The following C8orf34 variants were observed in gnomAD, a reference collection of about 807,000 sequenced individuals.
C8orf34 encodes the protein chromosome 8 open reading frame 34.
C8orf34 carries 65 observed loss-of-function variants against 68.3 expected under a neutral mutation model. That is an observed-to-expected ratio of 0.95 (90% confidence interval 0.78 to 1.17). C8orf34 has a LOEUF of 1.17. Among genes scored for constraint, C8orf34 ranks in the 50% most tolerant of loss-of-function variants. The pLI is 0.00. For missense variants in C8orf34, 664 were observed against 655.4 expected (o/e 1.01, Z -0.14); for synonymous variants, 244 against 241.2 (o/e 1.01, Z -0.11).
chr8:68,726,851 T>TC (rs1448996386), intron 10 of C8orf34, among the ~76,000 whole-genome samples: 1 of 72,434 alleles, frequency 1.4e-5, no homozygotes, highest in African/African-American at 6.4e-5. Context: ...TTCAATAACC[T>TC]CCCCCGGGTC....
chr8:68,813,351 T>C (rs1173478520), intron 12 of C8orf34, among the ~76,000 whole-genome samples: 2 of 151,998 alleles, frequency 1.3e-5, no homozygotes, highest in Non-Finnish European at 2.9e-5. Flanking sequence ...TTTCAGAAAC[T>C]TGAAATCAGA....
intron 8 of C8orf34, among the ~76,000 whole-genome samples, chr8:68,659,856 G>A (rs1191565407): frequency 2.6e-5 from 4 of 151,988 alleles, no homozygotes; most frequent in Non-Finnish European, 1.5e-5. Context: ...ACCTTTAAGA[G>A]CACCTGTCAA....
intron 7 of C8orf34, among the ~76,000 whole-genome samples, chr8:68,546,344 G>A (rs1351904064): frequency 1.3e-5 from 2 of 151,970 alleles, no homozygotes; most frequent in Non-Finnish European, 2.9e-5. Context: ...AGGCCAGAGA[G>A]GTTCAAAGTA....
intron 8 of C8orf34, among the ~76,000 whole-genome samples, chr8:68,643,679 G>A (rs984600090): frequency 1.3e-5 from 2 of 152,190 alleles, no homozygotes; most frequent in African/African-American, 4.8e-5. Flanking sequence ...TTCCATTCAT[G>A]AGGGTTCCAC....
chr8:68,606,805 A>C (rs982550466), intron 7 of C8orf34, among the ~76,000 whole-genome samples: 16 of 152,146 alleles, frequency 1.1e-4, no homozygotes, highest in Admixed American at 2.0e-4. Flanking sequence ...TAAACTAAAA[A>C]TTCTCTGGTA....
At chr8:68,534,105 T>C (rs975892451) in intron 7 of C8orf34, 3 of 983,148 alleles carry the variant, frequency 3.1e-6, no homozygotes, top group East Asian at 1.1e-4. Context: ...AGTAAAATAC[T>C]ATCATTATAA....
rs189716376 is a variant in C8orf34 at position 68,517,252 on chromosome 8, T to G, written c.766-4547T>G. Among the ~76,000 whole-genome samples, 7 of 152,266 alleles carry G rather than the reference T, an allele frequency of 4.6e-5. No individual in the cohort carries two copies. In the East Asian group the frequency reaches 1.2e-3, roughly 25 times the overall value. ...TCTATGGAAGGATGTTTACTTAGCTTAATCAAATATAAATAATATAACCAA... is the reference window on the plus strand; with the variant it reads ...TCTATGGAAGGATGTTTACTTAGCTGAATCAAATATAAATAATATAACCAA... On this transcript the variant is annotated intron_variant, in intron 5 of 13. Transcript: ENST00000518698.
At position 68,559,210 on chromosome 8, in the gene C8orf34, AGAT is replaced by A. The variant is rs537485164; in HGVS notation, c.1105+26067_1105+26069del. On this transcript the variant is annotated intron_variant, in intron 7 of 13. Transcript: ENST00000518698. ...CACTGATTGCAGGAATACAGGTGGAAGATGATGACTATGCTATGGAAGTAACAG... is the reference window on the plus strand; with the variant it reads ...CACTGATTGCAGGAATACAGGTGGAAGATGACTATGCTATGGAAGTAACAG... Among the ~76,000 whole-genome samples, 59 of 152,318 alleles carry A rather than the reference AGAT, an allele frequency of 3.9e-4. 1 individual carries two copies. The highest frequency in any genetic ancestry group is 6.8e-3 in the Middle Eastern group (2 of 294).
chr8:68,628,771 G>A (rs1012893433), intron 7 of C8orf34, among the ~76,000 whole-genome samples: 8 of 152,142 alleles, frequency 5.3e-5, no homozygotes, highest in African/African-American at 1.9e-4. Context: ...CTCCCACATT[G>A]TCTAGTTCAA....
At chr8:68,417,076 T>G (rs1809704746) in intron 1 of C8orf34, among the ~76,000 whole-genome samples, 1 of 152,154 alleles carries the variant, frequency 6.6e-6, no homozygotes, top group South Asian at 2.1e-4. Flanking sequence ...CAACTGCTAT[T>G]AAAACTATTG....
chr8:68,426,540 AAG>A (rs1810229993), intron 1 of C8orf34, among the ~76,000 whole-genome samples: 2 of 148,564 alleles, frequency 1.3e-5, no homozygotes, highest in East Asian at 1.9e-4. Flanking sequence ...AAAAAAAAAA[AAG>A]AAAACAGAAA....
intron 1 of C8orf34, among the ~76,000 whole-genome samples, chr8:68,406,188 C>T (rs1481038232): frequency 6.6e-6 from 1 of 152,174 alleles, no homozygotes; most frequent in African/African-American, 2.4e-5. Context: ...GGTAGACAGA[C>T]AGTTGATCTG....
intron 1 of C8orf34, among the ~76,000 whole-genome samples, chr8:68,359,650 C>T (rs1213557560): frequency 6.6e-6 from 1 of 152,172 alleles, no homozygotes; most frequent in African/African-American, 2.4e-5. Context: ...ACCCACCCCT[C>T]TCTCTTTTTA....
chr8:68,574,069 C>T lies in C8orf34; in HGVS notation c.1105+40920C>T, dbSNP rs142436563. 8.2e-3 allele frequency among the ~76,000 whole-genome samples: 1,248 copies of T among 152,164 alleles called. 21 individuals are homozygous for T. Among genetic ancestry groups the T allele is most frequent in the African/African-American group, 0.028 (1,176 of 41,548 alleles). On this transcript the variant is annotated intron_variant, in intron 7 of 13. Coordinates refer to ENST00000518698, the MANE Select transcript of C8orf34 (RefSeq NM_052958.4). ...TTTATTTGACTACCAAATTATTTTTCAAGTAATACTAGTGACACACCATAA... is the reference window on the plus strand; with the variant it reads ...TTTATTTGACTACCAAATTATTTTTTAAGTAATACTAGTGACACACCATAA...
At chr8:68,569,097 T>C (rs1563535670) in intron 7 of C8orf34, among the ~76,000 whole-genome samples, 1 of 152,218 alleles carries the variant, frequency 6.6e-6, no homozygotes, top group Non-Finnish European at 1.5e-5. Context: ...AACCTCCTGA[T>C]TTATTGACTC....
intron 1 of C8orf34, among the ~76,000 whole-genome samples, chr8:68,375,037 C>T (rs1038885096): frequency 6.6e-6 from 1 of 152,102 alleles, no homozygotes; most frequent in African/African-American, 2.4e-5. Flanking sequence ...GTGATAGAAT[C>T]AACATTAATA....
At chr8:68,770,726 G>A (rs1399028987) in intron 10 of C8orf34, among the ~76,000 whole-genome samples, 1 of 151,970 alleles carries the variant, frequency 6.6e-6, no homozygotes, top group Admixed American at 6.6e-5. Flanking sequence ...TCAGAAAATA[G>A]GAAAGAACAC....
intron 8 of C8orf34, among the ~76,000 whole-genome samples, chr8:68,671,519 G>A (rs1303984960): frequency 6.6e-6 from 1 of 152,140 alleles, no homozygotes; most frequent in Middle Eastern, 3.2e-3. Flanking sequence ...AGTTCTAATG[G>A]AGAGAAGTAG....
At chr8:68,500,214 T>C (rs1302988945) in intron 5 of C8orf34, among the ~76,000 whole-genome samples, 1 of 152,150 alleles carries the variant, frequency 6.6e-6, no homozygotes, top group African/African-American at 2.4e-5. Flanking sequence ...CTAACAGAAA[T>C]ATATCACTTC....
Sources: gnomAD v4.1 joint callset for allele counts (sites outside exome capture counted in the v4.1 genomes callset) on GRCh38, gnomAD v4.1.1 for gene constraint, MANE v1.5 for transcripts, NCBI Gene and HGNC (gene_info 2026-07-23, HGNC 2026-07-21) for gene names.